Variants in GALNT15 observed in about 807,000 individuals in gnomAD.
GALNT15 encodes the protein UDP-GalNAc transferase T15.
GALNT15 carries 67 observed loss-of-function variants against 66.8 expected under a neutral mutation model. The ratio of observed to expected loss-of-function variants is 1.00; its 90% CI spans 0.82 to 1.23. The LOEUF (loss-of-function observed/expected upper bound fraction) is 1.23, where lower values mean the gene tolerates loss of function less well. Among genes scored for constraint, GALNT15 ranks in the 50% most tolerant of loss-of-function variants. GALNT15 has a pLI of 0.00. For synonymous variants in GALNT15, 313 were observed against 311.5 expected (o/e 1.00, Z -0.05); for missense variants, 827 against 804.3 (o/e 1.03, Z -0.34).
At chr3:16,240,667 G>T in the GALNT15 span, among the ~76,000 whole-genome samples, 3 of 152,156 alleles carry the variant, frequency 2.0e-5, no homozygotes, top group Non-Finnish European at 4.4e-5. Flanking sequence ...CTATGTTTCA[G>T]TAATTTCCAA....
At chr3:16,244,652 G>A in the GALNT15 span, among the ~76,000 whole-genome samples, 2 of 152,156 alleles carry the variant, frequency 1.3e-5, no homozygotes, top group African/African-American at 4.8e-5. Context: ...CCTCACCATC[G>A]GCATGTAGAC....
intron 3 of GALNT15, among the ~76,000 whole-genome samples, chr3:16,201,221 A>C (rs9870266): frequency 0.088 from 13,280 of 151,274 alleles, 933 homozygotes; most frequent in African/African-American, 0.19. Context: ...TCGCTCTGTC[A>C]CCCAGGCTGG....
chr3:16,196,041 G>A, intron 2 of GALNT15, 115 bp downstream of exon 2: 1 of 1,043,088 alleles, frequency 9.6e-7, no homozygotes, highest in East Asian at 2.6e-5. Flanking sequence ...CCCAACTACA[G>A]ACCTCCAGAT....
chr3:16,224,632 C>CT lies in GALNT15; in HGVS notation c.1773+1894dup, dbSNP rs34368462. On this transcript the variant is annotated intron_variant, in intron 9 of 9. Transcript: ENST00000339732. This position sits in a 1 kb window ranked among gnomAD's most constrained non-coding sequence, Gnocchi z 5.2. ...TTTAACACTATTGTAGTAGGCTATT[C>CT]TTTTTTTTTTTTTTTTTTTTAAAGA... Among the ~76,000 whole-genome samples, 44 of 131,954 alleles carry CT rather than the reference C, an allele frequency of 3.3e-4. No individual in the cohort carries two copies. Among genetic ancestry groups the CT allele is most frequent in the East Asian group, 1.3e-3 (6 of 4,466 alleles). 86.6% of individuals were successfully genotyped at this position (131,954 alleles called of 152,430 possible). A position where few individuals can be genotyped will look rare whatever the true frequency, so the allele number is the denominator to read the frequency against.
intron 6 of GALNT15, among the ~76,000 whole-genome samples, chr3:16,218,267 C>T: frequency 6.6e-6 from 1 of 152,232 alleles, no homozygotes; most frequent in East Asian, 1.9e-4. Flanking sequence ...CCTGGTGGAC[C>T]CGTGTCTTAC....
chr3:16,189,200 G>A lies in GALNT15; in HGVS notation c.540-6560G>A, dbSNP rs986065270. ...ATTTTGCTGTTAGGCCAGGGTTCTA[G>A]GGAGATTAGGTCCAACAGGGGATCT... On this transcript the variant is annotated intron_variant, in intron 1 of 9. Coordinates refer to ENST00000339732, the MANE Select transcript of GALNT15 (RefSeq NM_054110.5). The surrounding 1 kb of genome is among the most constrained non-coding windows in gnomAD (Gnocchi z 5.1). Among the ~76,000 whole-genome samples, 1 of 152,190 alleles carries A rather than the reference G, an allele frequency of 6.6e-6. No individual in the cohort carries two copies. The highest frequency in any genetic ancestry group is 6.5e-5 in the Admixed American group (1 of 15,288).
At chr3:16,196,675 C>T (rs933411083) in intron 2 of GALNT15, among the ~76,000 whole-genome samples, 9 of 152,254 alleles carry the variant, frequency 5.9e-5, no homozygotes, top group South Asian at 2.1e-4. Context: ...GGAGTGGGGC[C>T]GAAGAATTTG....
downstream of GALNT15, among the ~76,000 whole-genome samples, chr3:16,231,286 C>A (rs1275578805): frequency 6.6e-6 from 1 of 152,150 alleles, no homozygotes; most frequent in Non-Finnish European, 1.5e-5. The surrounding 1 kb of genome is among the most constrained non-coding windows in gnomAD (Gnocchi z 4.1). Context: ...AACAAACCTG[C>A]ACGTTCTGCA....
chr3:16,199,643 G>T (rs2063677623), intron 2 of GALNT15, among the ~76,000 whole-genome samples: 1 of 98,230 alleles, frequency 1.0e-5, no homozygotes, highest in Admixed American at 1.1e-4. Flanking sequence ...AGAGGGAAGA[G>T]CTGAACAAAT....
Position 16,203,452 on chromosome 3 carries a change from T to C in GALNT15, c.911+2629T>C, listed in dbSNP as rs4684271. On this transcript the variant is annotated intron_variant, in intron 3 of 9. Coordinates refer to ENST00000339732, the MANE Select transcript of GALNT15 (RefSeq NM_054110.5). This position sits in a 1 kb window ranked among gnomAD's most constrained non-coding sequence, Gnocchi z 6.2. ...GTGCCCTTCCCCTCTCCTCTTTTCC[T>C]CTCCTGTCTGTCTCTGCCTCTCTAC... Among the ~76,000 whole-genome samples the C allele has an allele frequency of 0.53, 79,178 of 150,558 alleles. 21,062 individuals carry two copies. Among genetic ancestry groups the C allele is most frequent in the East Asian group, 0.6 (3,041 of 5,092 alleles).
chr3:16,216,528 A>G (rs2063880443), intron 6 of GALNT15, among the ~76,000 whole-genome samples: 1 of 152,094 alleles, frequency 6.6e-6, no homozygotes, highest in Admixed American at 6.5e-5. Context: ...TAGGGCAGAA[A>G]TGAAAGTAAG....
chr3:16,231,790 C>G, downstream of GALNT15: 1 of 1,535,228 alleles, frequency 6.5e-7, no homozygotes, highest in Non-Finnish European at 8.7e-7. The surrounding 1 kb of genome is among the most constrained non-coding windows in gnomAD (Gnocchi z 4.1). Context: ...CCTTCTCTCT[C>G]AGGATGAGAA....
chr3:16,247,469 T>G, the GALNT15 span, among the ~76,000 whole-genome samples: 14,600 of 152,172 alleles, frequency 0.096, 1,301 homozygotes, highest in African/African-American at 0.25. Context: ...GCAGCCCTAA[T>G]TGGTTAGCTT....
rs2063401437 is a variant in GALNT15 at position 16,175,702 on chromosome 3, C to G, written c.539+12C>G. On this transcript the variant is annotated intron_variant, in intron 1 of 9. Transcript: ENST00000339732. The surrounding 1 kb of genome is among the most constrained non-coding windows in gnomAD (Gnocchi z 5.6). ...GTGCGGCACCCACTGTAAGTAAGGC[C>G]CTTGTTTTCCCTTCCCTGATCCCAG... 1 of 1,546,472 alleles carries G rather than the reference C, an allele frequency of 6.5e-7. No homozygotes were observed. Among genetic ancestry groups the G allele is most frequent in the Non-Finnish European group, 8.7e-7 (1 of 1,147,448 alleles).
rs1212052379 is a variant in GALNT15 at position 16,206,525 on chromosome 3, T to C, written c.912-1978T>C. Among the ~76,000 whole-genome samples, 3 of 151,294 alleles carry C rather than the reference T, an allele frequency of 2.0e-5. No individual in the cohort carries two copies. The East Asian group carries it at 5.8e-4, about 29-fold the overall frequency. On this transcript the variant is annotated intron_variant, in intron 3 of 9. Transcript: ENST00000339732. ...CCGTGTATACTAAAAATACAAAAAT[T>C]AGCCGGGCGTTGTGGCGGGCACCTG... is the stretch of plus-strand genomic sequence containing the variant.
intron 6 of GALNT15, among the ~76,000 whole-genome samples, chr3:16,215,186 A>G (rs1484585242): frequency 6.6e-6 from 1 of 152,220 alleles, no homozygotes; most frequent in Non-Finnish European, 1.5e-5. Flanking sequence ...TTCTTCCCAC[A>G]TTGGTTGGTG....
At chr3:16,239,317 G>A in the GALNT15 span, among the ~76,000 whole-genome samples, 2 of 152,174 alleles carry the variant, frequency 1.3e-5, no homozygotes, top group Non-Finnish European at 2.9e-5. This position sits in a 1 kb window ranked among gnomAD's most constrained non-coding sequence, Gnocchi z 5.2. Context: ...TGCAAACCAG[G>A]AAGTGGGAAG....
chr3:16,207,109 C>T (rs192968752), intron 3 of GALNT15, among the ~76,000 whole-genome samples: 35 of 152,170 alleles, frequency 2.3e-4, no homozygotes, highest in Admixed American at 5.9e-4. Context: ...AAATATAGAC[C>T]CCACAACTCC....
Position 16,186,084 on chromosome 3 carries a change from C to A in GALNT15, c.540-9676C>A, listed in dbSNP as rs545596217. On this transcript the variant is annotated intron_variant, in intron 1 of 9. Transcript: ENST00000339732. The surrounding 1 kb of genome is among the most constrained non-coding windows in gnomAD (Gnocchi z 5.1). Reference sequence around the variant, plus strand: ...TTTGTATCCAAAATACAAAAAGAACCCTTACAACCCAACAATTAAACAACA... The same window carrying A: ...TTTGTATCCAAAATACAAAAAGAACACTTACAACCCAACAATTAAACAACA... Among the ~76,000 whole-genome samples the A allele has an allele frequency of 3.3e-4, 50 of 152,116 alleles. 1 individual carries two copies. The South Asian group carries it at 5.8e-3, about 18-fold the overall frequency.
Sources: allele counts gnomAD v4.1 joint callset (sites outside exome capture counted in the v4.1 genomes callset), GRCh38; gene constraint gnomAD v4.1.1; non-coding constraint Gnocchi (gnomAD v3.1); transcripts MANE v1.5; gene names NCBI Gene and HGNC (gene_info 2026-07-23, HGNC 2026-07-21).